Variants in TXLNB observed in about 807,000 individuals in gnomAD.
TXLNB encodes taxilin beta.
TXLNB carries 37 observed loss-of-function variants against 57.4 expected under a neutral mutation model. That is an observed-to-expected ratio of 0.64 (90% CI 0.50 to 0.85). The LOEUF (loss-of-function observed/expected upper bound fraction) is 0.85. TXLNB is among the 40% of genes least tolerant of loss of function. The pLI is 0.00. For synonymous variants in TXLNB, 302 were observed against 309.6 expected (o/e 0.98, Z 0.26); for missense variants, 848 against 825.6 (o/e 1.03, Z -0.33).
Position 139,249,127 on chromosome 6 carries a change from G to C in TXLNB, c.1078-1218C>G, listed in dbSNP as rs149644469. The stretch of plus-strand genomic sequence containing the variant: ...GTATGGCTCACCATGGAGATATAGC[G>C]AGGAGCATTTGTATCGCCAAGTCCT... On this transcript the variant is annotated intron_variant, in intron 7 of 9. Transcript: ENST00000358430. Among the ~76,000 whole-genome samples, 25 of 152,370 alleles carry C rather than the reference G, an allele frequency of 1.6e-4. No homozygotes were observed. The East Asian group carries it at 2.9e-3, about 18-fold the overall frequency.
At chr6:139,265,917 T>A (rs916447526) in intron 4 of TXLNB, among the ~76,000 whole-genome samples, 1 of 151,932 alleles carries the variant, frequency 6.6e-6, no homozygotes, top group Non-Finnish European at 1.5e-5. Context: ...GAGGGGAAGA[T>A]CACCCAAAAA....
At chr6:139,264,480 T>G (rs1359777249) in intron 4 of TXLNB, among the ~76,000 whole-genome samples, 1 of 152,170 alleles carries the variant, frequency 6.6e-6, no homozygotes, top group African/African-American at 2.4e-5. Flanking sequence ...TAAATAAATG[T>G]CAAACAAACA....
chr6:139,311,750 A>G, the TXLNB span, among the ~76,000 whole-genome samples: 1 of 152,176 alleles, frequency 6.6e-6, no homozygotes, highest in Non-Finnish European at 1.5e-5. Flanking sequence ...CCTGAACTGG[A>G]CTGTTTGTGG....
At chr6:139,200,288 T>C in the TXLNB span, among the ~76,000 whole-genome samples, 3 of 152,138 alleles carry the variant, frequency 2.0e-5, no homozygotes, top group Admixed American at 6.5e-5. Context: ...CCCCTAATAA[T>C]ACCATTGCAT....
chr6:139,162,256 C>T, the TXLNB span, among the ~76,000 whole-genome samples: 11 of 151,970 alleles, frequency 7.2e-5, no homozygotes, highest in African/African-American at 2.7e-4. Context: ...GGGGGGCAAT[C>T]CTGGTAAAAT....
At chr6:139,249,168 C>T (rs1776135961) in intron 7 of TXLNB, among the ~76,000 whole-genome samples, 1 of 152,202 alleles carries the variant, frequency 6.6e-6, no homozygotes, top group Non-Finnish European at 1.5e-5. Flanking sequence ...CAAGTGCTTG[C>T]ATTCGGGGTG....
downstream of TXLNB, among the ~76,000 whole-genome samples, chr6:139,237,788 C>T (rs969959600): frequency 6.6e-6 from 1 of 151,896 alleles, no homozygotes; most frequent in Admixed American, 6.6e-5. Flanking sequence ...AACATTATAT[C>T]ACTTAAAAAA....
chr6:139,221,048 C>T, the TXLNB span, among the ~76,000 whole-genome samples: 3 of 152,122 alleles, frequency 2.0e-5, no homozygotes, highest in African/African-American at 7.2e-5. Flanking sequence ...TGTTGGAAGG[C>T]ACTGGAGAGC....
the TXLNB span, among the ~76,000 whole-genome samples, chr6:139,216,840 T>C: frequency 3.9e-5 from 6 of 152,116 alleles, no homozygotes; most frequent in Admixed American, 2.6e-4. Flanking sequence ...ATAAGTATGA[T>C]ATAATGGACT....
the TXLNB span, among the ~76,000 whole-genome samples, chr6:139,165,546 T>G: frequency 6.6e-6 from 1 of 152,090 alleles, no homozygotes; most frequent in Non-Finnish European, 1.5e-5. Context: ...AAATCCTCTG[T>G]GCTTCACCTG....
At chr6:139,204,912 G>A in the TXLNB span, among the ~76,000 whole-genome samples, 48,088 of 151,810 alleles carry the variant, frequency 0.32, 7,965 homozygotes, top group African/African-American at 0.41. Flanking sequence ...ACATTATCCC[G>A]ATGGCCTGAG....
Position 139,262,793 on chromosome 6 carries a change from C to G in TXLNB, c.688-20G>C. On this transcript the variant is annotated intron_variant, in intron 4 of 9. Coordinates refer to ENST00000358430, the MANE Select transcript of TXLNB (RefSeq NM_153235.4). ...CTCTTCCTGCGGATAAAAAGCAAAACATTTTGTTTAAATGCACCCCGGGTT... is the reference window on the plus strand; with the variant it reads ...CTCTTCCTGCGGATAAAAAGCAAAAGATTTTGTTTAAATGCACCCCGGGTT... 6.2e-7 allele frequency: 1 copy of G among 1,609,886 alleles called. No individual in the cohort carries two copies. The highest frequency in any genetic ancestry group is 8.5e-7 in the Non-Finnish European group (1 of 1,178,130).
At chr6:139,168,851 T>C in the TXLNB span, among the ~76,000 whole-genome samples, 1 of 152,218 alleles carries the variant, frequency 6.6e-6, no homozygotes, top group Non-Finnish European at 1.5e-5. Flanking sequence ...TGTAGTCTTC[T>C]AAGTTATACA....
Position 139,243,045 on chromosome 6 carries a change from A to T in TXLNB, c.1536T>A (p.His512Gln). ...TGGACTGGTGCGGGGTTGACTCTGG[A>T]TGATGAATTATCATGAAGGCTGTGG... ...NLATAFMIIH[H>Q]PESTPHQSKE... The change falls in exon 10 of 10, where the codon CAT becomes CAA. Residue 512 changes from histidine (H) to glutamine (Q), a missense_variant. His to Gln is a conservative substitution (Grantham distance 24). Coordinates refer to ENST00000358430, the MANE Select transcript of TXLNB (RefSeq NM_153235.4). The T allele has an allele frequency of 1.9e-6, 3 of 1,614,134 alleles. No individual in the cohort carries two copies. Among genetic ancestry groups the T allele is most frequent in the Non-Finnish European group, 2.5e-6 (3 of 1,180,026 alleles).
chr6:139,288,975 T>G, intron 1 of TXLNB, 62 bp from the exon 2 acceptor site: 1 of 1,244,900 alleles, frequency 8.0e-7, no homozygotes, highest in Non-Finnish European at 1.1e-6. Flanking sequence ...CAATGCTACA[T>G]TTCAATGGTA....
the TXLNB span, among the ~76,000 whole-genome samples, chr6:139,196,130 G>T: frequency 6.6e-6 from 1 of 151,922 alleles, no homozygotes; most frequent in African/African-American, 2.4e-5. Context: ...AAAAGGAAAG[G>T]AATCTACCAT....
rs959295109 is a variant in TXLNB, at chr6:139,240,438, T to C, written c.*2088A>G. 6.5e-6 allele frequency: 1 copy of C among 152,684 alleles called. No individual in the cohort carries two copies. The highest frequency in any genetic ancestry group is 1.9e-4 in the East Asian group (1 of 5,204). 9.5% of individuals were successfully genotyped at this position (152,684 alleles called of 1,614,324 possible). ...AAATAATGAACTTTGGGTTTTAGAATATTTGATTTACTGCCTTTGGGTTCC... is the reference window on the plus strand; with the variant it reads ...AAATAATGAACTTTGGGTTTTAGAACATTTGATTTACTGCCTTTGGGTTCC... On this transcript the variant is annotated 3_prime_UTR_variant, in exon 10 of 10. Transcript: ENST00000358430.
chr6:139,321,979 T>A, the TXLNB span, among the ~76,000 whole-genome samples: 2 of 150,746 alleles, frequency 1.3e-5, no homozygotes, highest in Non-Finnish European at 2.9e-5. Context: ...TTTTTTTTTT[T>A]AAGATAGGCA....
chr6:139,217,602 C>T, the TXLNB span, among the ~76,000 whole-genome samples: 40 of 152,220 alleles, frequency 2.6e-4, 1 homozygote, highest in South Asian at 7.2e-3. Context: ...GGCGTGGCGG[C>T]TCACACCTGT....
Sources: gnomAD v4.1 joint callset for allele counts (sites outside exome capture counted in the v4.1 genomes callset) on GRCh38, gnomAD v4.1.1 for gene constraint, MANE v1.5 for transcripts, NCBI Gene and HGNC (gene_info 2026-07-23, HGNC 2026-07-21) for gene names.